The following TMEM131L variants were observed in gnomAD, a reference collection of about 807,000 sequenced individuals.
TMEM131L encodes transmembrane protein 131-like.
Under a neutral mutation model 192.2 loss-of-function variants are expected in TMEM131L, and 54 were observed. The ratio of observed to expected loss-of-function variants is 0.28; its 90% CI spans 0.23 to 0.35. The LOEUF (loss-of-function observed/expected upper bound fraction) is 0.35, where lower values mean the gene tolerates loss of function less well. Ranked by LOEUF, TMEM131L falls within the 10% of genes least tolerant of loss-of-function variation. TMEM131L has a pLI of 1.00. For missense variants in TMEM131L, 1,888 were observed against 1,972.9 expected, an observed-to-expected ratio of 0.96 and a Z score of 0.82; for synonymous variants, 701 against 704.9, an observed-to-expected ratio of 0.99 and a Z score of 0.09.
chr4:153,478,074 C>G (rs566475481), intron 3 of TMEM131L, among the ~76,000 whole-genome samples: 3 of 152,252 alleles, frequency 2.0e-5, no homozygotes, highest in African/African-American at 7.2e-5. Context: ...ATTAAATATT[C>G]CAGTATTTTG....
chr4:153,505,518 C>A (rs1008372994), intron 3 of TMEM131L, among the ~76,000 whole-genome samples: 2 of 152,246 alleles, frequency 1.3e-5, no homozygotes, highest in East Asian at 3.9e-4. Flanking sequence ...AATATAGTCA[C>A]ATTCTGATAA....
intron 20 of TMEM131L, among the ~76,000 whole-genome samples, 162 bp from the exon 21 acceptor site, chr4:153,598,428 G>A (rs1345116273): frequency 6.6e-6 from 1 of 152,126 alleles, no homozygotes; most frequent in African/African-American, 2.4e-5. Flanking sequence ...CCCTTATTCT[G>A]TGAGATGGAA....
At chr4:153,618,674 G>A (rs533355828) in intron 26 of TMEM131L, among the ~76,000 whole-genome samples, 31 of 152,066 alleles carry the variant, frequency 2.0e-4, no homozygotes, top group Admixed American at 4.6e-4. Context: ...ATCAAGGCAC[G>A]AGATTGAAAC....
chr4:153,568,671 A>G (rs1230134458), intron 7 of TMEM131L, among the ~76,000 whole-genome samples: 1 of 152,252 alleles, frequency 6.6e-6, no homozygotes, highest in Non-Finnish European at 1.5e-5. Context: ...GGAAAACATT[A>G]TAATAAGCTA....
At position 153,635,529 on chromosome 4, in the gene TMEM131L, C is replaced by T. The variant is rs1251201020; in HGVS notation, c.4515C>T (p.Asn1505=). 1.2e-6 allele frequency: 2 copies of T among 1,614,104 alleles called. No individual in the cohort carries two copies. The highest frequency in any genetic ancestry group is 2.2e-5 in the East Asian group (1 of 44,906). ...NSQSTWNTPP[N]MPAAWGHASF... ...AGTCTACCTGGAACACCCCACCCAA[C>T]ATGCCTGCTGCCTGGGGACATGCCA... is the stretch of plus-strand genomic sequence containing the variant. Residue 1505 remains asparagine (N), a synonymous_variant, in exon 34 of 35, where the codon AAC becomes AAT. Coordinates refer to ENST00000409959, the MANE Select transcript of TMEM131L (RefSeq NM_001131007.2).
intron 9 of TMEM131L, among the ~76,000 whole-genome samples, chr4:153,582,263 T>A (rs1730387072): frequency 6.6e-6 from 1 of 152,022 alleles, no homozygotes; most frequent in Admixed American, 6.6e-5. Flanking sequence ...TTGTTTTTTT[T>A]AGACAGGATT....
intron 16 of TMEM131L, among the ~76,000 whole-genome samples, chr4:153,589,284 CT>C (rs1240035977): frequency 6.6e-6 from 1 of 152,124 alleles, no homozygotes; most frequent in East Asian, 1.9e-4. Flanking sequence ...AAAGGAAGCA[CT>C]TTATGGCTTC....
At chr4:153,479,915 A>T (rs1214778589) in intron 3 of TMEM131L, among the ~76,000 whole-genome samples, 1 of 152,242 alleles carries the variant, frequency 6.6e-6, no homozygotes, top group African/African-American at 2.4e-5. Flanking sequence ...TGTTATTCAG[A>T]AATGGAAGTT....
intron 21 of TMEM131L, among the ~76,000 whole-genome samples, chr4:153,600,492 T>C (rs1731763434): frequency 6.6e-6 from 1 of 152,280 alleles, no homozygotes; most frequent in East Asian, 1.9e-4. Flanking sequence ...GATTTAGAAA[T>C]ACATTAACAT....
intron 3 of TMEM131L, among the ~76,000 whole-genome samples, chr4:153,480,625 A>G (rs527401156): frequency 3.3e-5 from 5 of 151,408 alleles, no homozygotes; most frequent in Admixed American, 6.6e-5. Flanking sequence ...GGACCTTCCT[A>G]TCTTCCCACC....
chr4:153,511,090 A>G (rs1734323418), intron 3 of TMEM131L, among the ~76,000 whole-genome samples: 2 of 152,132 alleles, frequency 1.3e-5, no homozygotes, highest in Admixed American at 1.3e-4. Flanking sequence ...TCGAAGAACT[A>G]AAACCAGAAC....
intron 14 of TMEM131L, 145 bp downstream of exon 14, chr4:153,586,524 TG>T: frequency 3.9e-6 from 2 of 510,746 alleles, no homozygotes; most frequent in Non-Finnish European, 6.6e-6. Flanking sequence ...AGGCCAGTCT[TG>T]GATGATAAAT....
Position 153,602,388 on chromosome 4 carries a change from T to A in TMEM131L, c.2453+50T>A, listed in dbSNP as rs540852993. 5.3e-5 allele frequency: 84 copies of A among 1,577,928 alleles called. 1 individual carries two copies. In the South Asian group the frequency reaches 9.5e-4, roughly 18 times the overall value. ...TTCAGTTTTGTGGTGCGTTTAACAA[T>A]GTGAGGAGGAAAACTTTTTCTATTG... On this transcript the variant is annotated intron_variant, in intron 22 of 34. Transcript: ENST00000409959.
intron 3 of TMEM131L, among the ~76,000 whole-genome samples, chr4:153,548,554 C>T (rs564927730): frequency 6.5e-4 from 99 of 152,356 alleles, no homozygotes; most frequent in Middle Eastern, 3.4e-3. Context: ...CTGTCCGCCT[C>T]AGCCTCCCAA....
At chr4:153,485,044 G>A (rs1040970453) in intron 3 of TMEM131L, among the ~76,000 whole-genome samples, 2 of 147,406 alleles carry the variant, frequency 1.4e-5, no homozygotes, top group East Asian at 4.1e-4. Flanking sequence ...GCATGAACCC[G>A]GGAAGTGGAG....
chr4:153,621,989 A>ATTC, intron 28 of TMEM131L, 140 bp downstream of exon 28: 1 of 833,070 alleles, frequency 1.2e-6, no homozygotes, highest in Non-Finnish European at 1.8e-6. Flanking sequence ...CCCAGTGGAA[A>ATTC]GCTTTCAGGG....
chr4:153,624,278 C>G (rs1395629490), intron 29 of TMEM131L, among the ~76,000 whole-genome samples: 1 of 151,910 alleles, frequency 6.6e-6, no homozygotes, highest in African/African-American at 2.4e-5. Context: ...GCCACCATGC[C>G]CGTCTAATTT....
Position 153,557,094 on chromosome 4 carries a change from T to G in TMEM131L, c.549+12T>G, listed in dbSNP as rs774798347. On this transcript the variant is annotated intron_variant, in intron 6 of 34. Transcript: ENST00000409959. ...TCCTTTCCTATCATGTGAGTAACTT[T>G]TTCCTTTTGTCACAACTTTGGTTGG... 1.6e-6 allele frequency: 2 copies of G among 1,245,220 alleles called. No individual in the cohort carries two copies. The allele number at this position is 1,245,220 out of a possible 1,614,324, so 77.1% of individuals were successfully genotyped here.
intron 26 of TMEM131L, among the ~76,000 whole-genome samples, chr4:153,617,081 G>A (rs1006868073): frequency 6.6e-6 from 1 of 152,150 alleles, no homozygotes; most frequent in African/African-American, 2.4e-5. Flanking sequence ...CACATGTCAT[G>A]GGAGGAACCC....
Sources: allele counts gnomAD v4.1 joint callset (sites outside exome capture counted in the v4.1 genomes callset), GRCh38; gene constraint gnomAD v4.1.1; transcripts MANE v1.5; gene names NCBI Gene and HGNC (gene_info 2026-07-23, HGNC 2026-07-21).